CADPS: variants seen among roughly 807,000 people sequenced by gnomAD.
CADPS encodes the protein calcium dependent secretion activator.
CADPS carries 57 observed loss-of-function variants against 167.3 expected under a neutral mutation model. The observed-to-expected ratio is 0.34, with a 90% CI of 0.28 to 0.42. The LOEUF (loss-of-function observed/expected upper bound fraction) is 0.42, where lower values mean the gene tolerates loss of function less well. Among genes scored for constraint, CADPS ranks in the 20% least tolerant of loss-of-function variants. The probability of loss-of-function intolerance (pLI) is 1.00; values close to 1 mark genes in which losing one functional copy is unlikely to be tolerated. For synonymous variants in CADPS, 676 were observed against 635.3 expected (o/e 1.06, Z -0.96); for missense variants, 1,414 against 1,738.1 (o/e 0.81, Z 3.32).
intron 10 of CADPS, among the ~76,000 whole-genome samples, chr3:62,554,863 C>T (rs934418038): frequency 2.0e-5 from 3 of 152,152 alleles, no homozygotes; most frequent in African/African-American, 7.2e-5. Context: ...AGCGATTCTC[C>T]TGCTTCAGCC....
chr3:62,714,907 CAATTTA>C (rs1054712627), intron 3 of CADPS, among the ~76,000 whole-genome samples: 3 of 151,994 alleles, frequency 2.0e-5, no homozygotes, highest in African/African-American at 2.4e-5. Flanking sequence ...ATTCAGAGAA[CAATTTA>C]AATTTAAACA....
chr3:62,861,458 T>G lies in CADPS; in HGVS notation c.441+13131A>C, dbSNP rs544378840. Among the ~76,000 whole-genome samples, 248 of 152,290 alleles carry G rather than the reference T, an allele frequency of 1.6e-3. 3 individuals are homozygous for G. The highest frequency in any genetic ancestry group is 5.8e-3 in the African/African-American group (243 of 41,562). ...GCTGTAGGGAAATGCCTTTGAACTA[T>G]TGATTCAAGATACTTCTACATATAG... On this transcript the variant is annotated intron_variant, in intron 1 of 29. Coordinates refer to ENST00000383710, the MANE Select transcript of CADPS (RefSeq NM_003716.4).
chr3:62,434,514 A>G (rs766671427), intron 28 of CADPS, among the ~76,000 whole-genome samples: 1 of 152,206 alleles, frequency 6.6e-6, no homozygotes, highest in African/African-American at 2.4e-5. Context: ...TATTTCTCCA[A>G]TAAACCTAGA....
chr3:62,674,179 G>A (rs1003187485), intron 3 of CADPS, among the ~76,000 whole-genome samples: 1 of 152,110 alleles, frequency 6.6e-6, no homozygotes, highest in South Asian at 2.1e-4. Flanking sequence ...GAAAGCTCAA[G>A]TAGTAAAAAA....
intron 1 of CADPS, among the ~76,000 whole-genome samples, chr3:62,823,570 G>A (rs2073423313): frequency 6.6e-6 from 1 of 152,102 alleles, no homozygotes; most frequent in Non-Finnish European, 1.5e-5. Context: ...CTTCAAAGAG[G>A]GGGAAAGATC....
intron 26 of CADPS, among the ~76,000 whole-genome samples, chr3:62,456,045 A>G (rs1427574365): frequency 6.6e-6 from 1 of 152,118 alleles, no homozygotes; most frequent in Non-Finnish European, 1.5e-5. Flanking sequence ...GAGTGAAGAA[A>G]ACAAGCAATC....
chr3:62,589,865 T>C (rs914492607), intron 7 of CADPS, among the ~76,000 whole-genome samples: 5 of 152,036 alleles, frequency 3.3e-5, no homozygotes, highest in Non-Finnish European at 5.9e-5. Flanking sequence ...TCCAGAAAAA[T>C]GCATATAGGC....
intron 3 of CADPS, among the ~76,000 whole-genome samples, chr3:62,747,623 A>G (rs755044864): frequency 5.3e-5 from 8 of 152,236 alleles, no homozygotes; most frequent in Non-Finnish European, 5.9e-5. Context: ...GAAAATTAGC[A>G]GTTCAATAAT....
chr3:62,608,475 G>A (rs2061010927), intron 6 of CADPS, among the ~76,000 whole-genome samples: 1 of 151,868 alleles, frequency 6.6e-6, no homozygotes, highest in Admixed American at 6.6e-5. Flanking sequence ...TAGACATGGG[G>A]TTTTGCCATG....
At chr3:62,826,392 A>G (rs2074039436) in intron 1 of CADPS, among the ~76,000 whole-genome samples, 1 of 152,084 alleles carries the variant, frequency 6.6e-6, no homozygotes, top group Non-Finnish European at 1.5e-5. Flanking sequence ...CCTGGTTGTG[A>G]TATTGTATGA....
intron 28 of CADPS, among the ~76,000 whole-genome samples, chr3:62,435,683 G>A (rs141446196): frequency 3.0e-4 from 46 of 151,554 alleles, no homozygotes; most frequent in African/African-American, 9.9e-4. Flanking sequence ...TTTTTTCCAC[G>A]GGGCCGGGAG....
At chr3:62,786,478 A>G (rs1400376216) in intron 1 of CADPS, among the ~76,000 whole-genome samples, 1 of 152,040 alleles carries the variant, frequency 6.6e-6, no homozygotes, top group African/African-American at 2.4e-5. Context: ...CCTATCTCTA[A>G]AAAAATAAAT....
intron 23 of CADPS, among the ~76,000 whole-genome samples, chr3:62,477,313 G>GTTT (rs1560938862): frequency 1.2e-5 from 1 of 80,330 alleles, no homozygotes; most frequent in African/African-American, 7.0e-5. Flanking sequence ...TTGCAATCTG[G>GTTT]GTTTTTTTTT....
intron 1 of CADPS, among the ~76,000 whole-genome samples, chr3:62,869,567 A>T (rs2082265420): frequency 6.6e-6 from 1 of 152,082 alleles, no homozygotes; most frequent in South Asian, 2.1e-4. Flanking sequence ...TACTGTATCC[A>T]ATCCTGTGTG....
chr3:62,860,024 A>G (rs1022738721), intron 1 of CADPS, among the ~76,000 whole-genome samples: 1 of 152,280 alleles, frequency 6.6e-6, no homozygotes, highest in African/African-American at 2.4e-5. Flanking sequence ...CAAATAAAGG[A>G]CAACTGACAG....
intron 23 of CADPS, among the ~76,000 whole-genome samples, chr3:62,474,821 C>G (rs1446410657): frequency 2.0e-5 from 3 of 151,820 alleles, no homozygotes; most frequent in African/African-American, 7.3e-5. Flanking sequence ...TTGAAAGAGA[C>G]AAAAATTTAA....
chr3:62,587,421 G>A (rs935184020), intron 7 of CADPS, among the ~76,000 whole-genome samples: 2 of 152,166 alleles, frequency 1.3e-5, no homozygotes, highest in African/African-American at 4.8e-5. Context: ...CCCGAGGCCT[G>A]ACACTTTGTG....
At chr3:62,655,541 A>G (rs1013026215) in intron 4 of CADPS, among the ~76,000 whole-genome samples, 1 of 152,190 alleles carries the variant, frequency 6.6e-6, no homozygotes, top group South Asian at 2.1e-4. Context: ...ATTTTGGAAC[A>G]TCTTTAAAAA....
chr3:62,860,840 G>T (rs1380567123), intron 1 of CADPS, among the ~76,000 whole-genome samples: 1 of 152,178 alleles, frequency 6.6e-6, no homozygotes, highest in Non-Finnish European at 1.5e-5. Context: ...TTACCACTAA[G>T]ATAAGACTCT....
Sources: allele counts gnomAD v4.1 joint callset (sites outside exome capture counted in the v4.1 genomes callset), GRCh38; gene constraint gnomAD v4.1.1; transcripts MANE v1.5; gene names NCBI Gene and HGNC (gene_info 2026-07-23, HGNC 2026-07-21).